The following ATRNL1 variants were observed in gnomAD, a reference collection of about 807,000 sequenced individuals.
The protein encoded by ATRNL1 is attractin like 1.
In ATRNL1, 95 loss-of-function variants were observed where a neutral mutation model predicts 182.7. The ratio of observed to expected loss-of-function variants is 0.52; its 90% CI spans 0.44 to 0.62. The LOEUF (loss-of-function observed/expected upper bound fraction) is 0.62. ATRNL1 is among the 20% of genes least tolerant of loss of function. ATRNL1 has a pLI of 0.00. For synonymous variants in ATRNL1, 576 were observed against 568.3 expected (o/e 1.01, Z -0.19); for missense variants, 1,471 against 1,679.5 (o/e 0.88, Z 2.17).
At chr10:115,167,149 A>T (rs1253793470) in intron 7 of ATRNL1, among the ~76,000 whole-genome samples, 1 of 151,952 alleles carries the variant, frequency 6.6e-6, no homozygotes, top group South Asian at 2.1e-4. Flanking sequence ...GTTAAAAAAG[A>T]AACTGTCTTT....
At chr10:115,822,908 G>T (rs193111092) in intron 27 of ATRNL1, among the ~76,000 whole-genome samples, 8 of 152,172 alleles carry the variant, frequency 5.3e-5, no homozygotes, top group East Asian at 3.9e-4. Flanking sequence ...AGAAAAAGGG[G>T]GACTCCTCCC....
intron 20 of ATRNL1, among the ~76,000 whole-genome samples, chr10:115,398,939 C>G (rs139369766): frequency 1.6e-3 from 245 of 151,960 alleles, no homozygotes; most frequent in African/African-American, 5.8e-3. Flanking sequence ...TATAGAAACC[C>G]CTTTCTGCAT....
Position 115,734,678 on chromosome 10 carries a change from T to C in ATRNL1, c.3903+7323T>C, listed in dbSNP as rs548443577. Among the ~76,000 whole-genome samples the C allele has an allele frequency of 1.2e-4, 18 of 152,210 alleles. No individual in the cohort carries two copies. In the South Asian group the frequency reaches 3.5e-3, roughly 30 times the overall value. On this transcript the variant is annotated intron_variant, in intron 27 of 28. Coordinates refer to ENST00000355044, the MANE Select transcript of ATRNL1 (RefSeq NM_207303.4). ...TGTAAATTACCTGCTATAAATGTTT[T>C]CTCTCTTTGGATATTGATTTTAAAT...
chr10:115,764,237 C>T (rs782201143), intron 27 of ATRNL1, among the ~76,000 whole-genome samples: 1 of 152,120 alleles, frequency 6.6e-6, no homozygotes, highest in Non-Finnish European at 1.5e-5. Flanking sequence ...TCTGCATGCA[C>T]AGCCTTCATC....
chr10:115,214,067 C>T (rs1554895637), intron 8 of ATRNL1, among the ~76,000 whole-genome samples: 5 of 150,124 alleles, frequency 3.3e-5, no homozygotes, highest in African/African-American at 1.2e-4. Flanking sequence ...CACACACACA[C>T]ATATATATAA....
At chr10:115,650,968 G>T (rs782455295) in intron 26 of ATRNL1, among the ~76,000 whole-genome samples, 8 of 151,988 alleles carry the variant, frequency 5.3e-5, no homozygotes, top group Non-Finnish European at 8.8e-5. Flanking sequence ...ATTTTAATTT[G>T]CCCATTGTGG....
intron 18 of ATRNL1, among the ~76,000 whole-genome samples, chr10:115,331,447 T>G (rs956577697): frequency 6.6e-6 from 1 of 152,220 alleles, no homozygotes; most frequent in Non-Finnish European, 1.5e-5. Flanking sequence ...GTTTGTTGAA[T>G]TTCTCTAACA....
At chr10:115,131,410 G>A (rs1845229945) in intron 5 of ATRNL1, among the ~76,000 whole-genome samples, 1 of 152,082 alleles carries the variant, frequency 6.6e-6, no homozygotes, top group African/African-American at 2.4e-5. Context: ...TTGTAAATGA[G>A]ATAATATGGT....
At chr10:115,306,625 ATGT>A (rs558888879) in intron 17 of ATRNL1, among the ~76,000 whole-genome samples, 76 of 152,208 alleles carry the variant, frequency 5.0e-4, no homozygotes, top group South Asian at 4.6e-3. Flanking sequence ...TCTGCTAAAA[ATGT>A]TGTGTAATGT....
intron 28 of ATRNL1, among the ~76,000 whole-genome samples, chr10:115,865,569 G>T (rs1951421920): frequency 6.6e-6 from 1 of 152,100 alleles, no homozygotes; most frequent in East Asian, 1.9e-4. Context: ...TAGTCTCACT[G>T]TATTCTTGAA....
chr10:115,606,894 T>G (rs1856903311), intron 26 of ATRNL1, among the ~76,000 whole-genome samples: 1 of 151,982 alleles, frequency 6.6e-6, no homozygotes, highest in African/African-American at 2.4e-5. Flanking sequence ...CTTCTTTAGC[T>G]GTCACTAAGA....
At chr10:115,272,146 T>A (rs1554913357) in intron 13 of ATRNL1, among the ~76,000 whole-genome samples, 2 of 152,226 alleles carry the variant, frequency 1.3e-5, no homozygotes, top group African/African-American at 4.8e-5. Flanking sequence ...GGTGCCACAT[T>A]TCCTGTAAAG....
chr10:115,246,049 T>C (rs1850623801), intron 10 of ATRNL1, among the ~76,000 whole-genome samples: 1 of 152,136 alleles, frequency 6.6e-6, no homozygotes, highest in Non-Finnish European at 1.5e-5. Flanking sequence ...GGCCACTAAA[T>C]AAAAGAAAAA....
At chr10:115,109,499 T>A (rs574706027) in intron 1 of ATRNL1, among the ~76,000 whole-genome samples, 1 of 152,324 alleles carries the variant, frequency 6.6e-6, no homozygotes, top group East Asian at 1.9e-4. Context: ...AAGGAACTCA[T>A]TCCTGCAATA....
At chr10:115,292,848 C>T (rs1267567994) in intron 15 of ATRNL1, among the ~76,000 whole-genome samples, 1 of 152,060 alleles carries the variant, frequency 6.6e-6, no homozygotes, top group Non-Finnish European at 1.5e-5. Context: ...GTACAGTGTT[C>T]TGTAAATGTC....
intron 6 of ATRNL1, among the ~76,000 whole-genome samples, chr10:115,162,509 GGA>G (rs1363039203): frequency 2.0e-5 from 3 of 151,900 alleles, no homozygotes; most frequent in Non-Finnish European, 4.4e-5. Context: ...TGATAACAGA[GGA>G]GAGAGACAGA....
At chr10:115,386,894 T>G (rs1323520080) in intron 19 of ATRNL1, among the ~76,000 whole-genome samples, 2 of 142,112 alleles carry the variant, frequency 1.4e-5, no homozygotes, top group Non-Finnish European at 3.0e-5. Context: ...AATTCCCACC[T>G]ATGAGTGAGA....
At chr10:115,336,234 A>C (rs1855475622) in intron 19 of ATRNL1, among the ~76,000 whole-genome samples, 2 of 152,198 alleles carry the variant, frequency 1.3e-5, no homozygotes, top group Admixed American at 6.5e-5. Flanking sequence ...TTAATGCAGG[A>C]GTTATGTTCA....
chr10:115,692,680 G>A (rs956466286), intron 26 of ATRNL1, among the ~76,000 whole-genome samples: 1 of 151,290 alleles, frequency 6.6e-6, no homozygotes, highest in South Asian at 2.1e-4. Context: ...TCCTATAAGA[G>A]ATTCATTGAA....
Sources: gnomAD v4.1 joint callset for allele counts (sites outside exome capture counted in the v4.1 genomes callset) on GRCh38, gnomAD v4.1.1 for gene constraint, MANE v1.5 for transcripts, NCBI Gene and HGNC (gene_info 2026-07-23, HGNC 2026-07-21) for gene names.